Variants in EP300 observed in about 807,000 individuals in gnomAD.
The protein encoded by EP300 is EP300 lysine acetyltransferase, also known as histone acetyltransferase p300.
Under a neutral mutation model 264.0 loss-of-function variants are expected in EP300, and 31 were observed. The ratio of observed to expected loss-of-function variants is 0.12; its 90% CI spans 0.09 to 0.16. The LOEUF is 0.16. Ranked by LOEUF, EP300 falls within the 10% of genes least tolerant of loss-of-function variation. The pLI is 1.00. For missense variants in EP300, 2,766 were observed against 3,052.9 expected (o/e 0.91, Z 2.21); for synonymous variants, 1,340 against 1,045.4 (o/e 1.28, Z -5.44).
At chr22:41,166,571 T>C (rs2059135721) in intron 22 of EP300, 28 bp from the exon 23 acceptor site, 1 of 1,593,804 alleles carries the variant, frequency 6.3e-7, no homozygotes, top group Non-Finnish European at 8.6e-7. Flanking sequence ...ATCTAAGTTG[T>C]GTAAGCAAAG....
intron 12 of EP300, 154 bp from the exon 13 acceptor site, chr22:41,148,884 C>G: frequency 1.1e-6 from 1 of 925,954 alleles, no homozygotes; most frequent in Non-Finnish European, 1.6e-6. Flanking sequence ...CTACAACTTT[C>G]TTCCTTCTCC....
At chr22:41,122,596 C>G (rs1211115383) in intron 2 of EP300, among the ~76,000 whole-genome samples, 1 of 151,582 alleles carries the variant, frequency 6.6e-6, no homozygotes, top group East Asian at 1.9e-4. Context: ...TGAATTTCAT[C>G]TGGAAAATGA....
chr22:41,139,377 G>A (rs143128231), intron 8 of EP300, among the ~76,000 whole-genome samples: 1 of 152,172 alleles, frequency 6.6e-6, no homozygotes, highest in Admixed American at 6.5e-5. Context: ...GACTATTCAG[G>A]AACTTTTATT....
Position 41,164,044 on chromosome 22 carries a change from C to T in EP300, c.3729-9C>T. ...GGGGTTAATTTTGGAATTGGCTCTG[C>T]TCTTCCAGGTTTGTTGAATGTACAG... On this transcript the variant is annotated splice_polypyrimidine_tract_variant and intron_variant, in intron 21 of 30. Coordinates refer to ENST00000263253, the MANE Select transcript of EP300 (RefSeq NM_001429.4). The T allele has an allele frequency of 6.2e-7, 1 of 1,613,998 alleles. No individual in the cohort carries two copies. Among genetic ancestry groups the T allele is most frequent in the Non-Finnish European group, 8.5e-7 (1 of 1,179,848 alleles).
intron 1 of EP300, among the ~76,000 whole-genome samples, chr22:41,104,660 G>A (rs552490224): frequency 1.3e-5 from 2 of 152,282 alleles, no homozygotes; most frequent in South Asian, 4.1e-4. Flanking sequence ...AATTGTCAAT[G>A]TGAATTTTCT....
At chr22:41,157,431 G>A (rs1569110988) in intron 18 of EP300, 23 bp downstream of exon 18, 1 of 1,575,656 alleles carries the variant, frequency 6.3e-7, no homozygotes, top group Non-Finnish European at 8.6e-7. Context: ...TTTCAGATTT[G>A]ACTTTAACTT....
chr22:41,178,068 A>C lies in EP300; in HGVS notation c.6357A>C (p.Pro2119=). The change falls in exon 31 of 31, where the codon CCA becomes CCC. Residue 2119 remains proline, a synonymous_variant. Coordinates refer to ENST00000263253, the MANE Select transcript of EP300 (RefSeq NM_001429.4). ...CAGGGCTACAGCCACCTACCATGCCAGGTCAGCAGGGGGTCCACTCCAATC... is the reference window on the plus strand; with the variant it reads ...CAGGGCTACAGCCACCTACCATGCCCGGTCAGCAGGGGGTCCACTCCAATC... ...GQPGLQPPTM[P]GQQGVHSNPA... is the part of the protein sequence containing the mutation. The C allele has an allele frequency of 6.2e-7, 1 of 1,614,132 alleles. No homozygotes were observed. Among genetic ancestry groups the C allele is most frequent in the Non-Finnish European group, 8.5e-7 (1 of 1,180,014 alleles).
intron 28 of EP300, among the ~76,000 whole-genome samples, chr22:41,172,879 CTT>C (rs2059178806): frequency 6.6e-6 from 1 of 152,042 alleles, no homozygotes; most frequent in Admixed American, 6.6e-5. Context: ...GCATCTCAGA[CTT>C]TGAGTAATGT....
Position 41,160,423 on chromosome 22 carries a change from AAAAAAAAC to A in EP300, c.3591-211_3591-204del. 5 of 505,098 alleles carry A rather than the reference AAAAAAAAC, an allele frequency of 9.9e-6. No homozygotes were observed. In the South Asian group the frequency reaches 1.2e-4, roughly 12 times the overall value. 31.3% of individuals were successfully genotyped at this position (505,098 alleles called of 1,614,324 possible). A position where few individuals can be genotyped will look rare whatever the true frequency, so the allele number is the denominator to read the frequency against. ...GTCTGCACTTGGCTTTGATTGCAAA[AAAAAAAAC>A]AAAAAAAAACAAAAAAACAAACAAA... On this transcript the variant is annotated intron_variant, in intron 19 of 30. Coordinates refer to ENST00000263253, the MANE Select transcript of EP300 (RefSeq NM_001429.4).
At chr22:41,110,666 C>A (rs1452136125) in intron 1 of EP300, among the ~76,000 whole-genome samples, 1 of 152,038 alleles carries the variant, frequency 6.6e-6, no homozygotes. Flanking sequence ...GGCCTTCCAA[C>A]GTACTAGGAT....
rs984141483 is a variant in EP300, at chr22:41,179,614, G to A, written c.*658G>A. 34 of 219,152 alleles carry A rather than the reference G, an allele frequency of 1.6e-4. No individual in the cohort carries two copies. Among genetic ancestry groups the A allele is most frequent in the Non-Finnish European group, 1.6e-4 (18 of 110,270 alleles). The allele number at this position is 219,152 out of a possible 1,614,324, so 13.6% of individuals were successfully genotyped here. On this transcript the variant is annotated 3_prime_UTR_variant, in exon 31 of 31. Coordinates refer to ENST00000263253, the MANE Select transcript of EP300 (RefSeq NM_001429.4). ...AATTTTCTATTCTGTAAGTCTGAGC[G>A]TAAAACTTCAAGTATTAAAATAATT...
At chr22:41,152,923 A>G (rs1420292660) in intron 16 of EP300, among the ~76,000 whole-genome samples, 1 of 151,820 alleles carries the variant, frequency 6.6e-6, no homozygotes, top group African/African-American at 2.4e-5. Flanking sequence ...ATGCCCGTCT[A>G]ATTTTTGTAT....
At chr22:41,106,502 C>T (rs1287751152) in intron 1 of EP300, among the ~76,000 whole-genome samples, 2 of 152,190 alleles carry the variant, frequency 1.3e-5, no homozygotes, top group Non-Finnish European at 2.9e-5. Context: ...ACTGGCTGAG[C>T]TTTTACTCTC....
chr22:41,137,791 G>C lies in EP300; in HGVS notation c.1760+1G>C. The stretch of plus-strand genomic sequence containing the variant: ...TTCGAAATCATCTTGTTCACAAACT[G>C]TAAGTAAGATTGTGGACACGTCTCA... On this transcript the variant is annotated splice_donor_variant, in intron 8 of 30. Transcript: ENST00000263253. LOFTEE classifies it high-confidence loss of function. 6.2e-7 allele frequency: 1 copy of C among 1,614,152 alleles called. No individual in the cohort carries two copies. Among genetic ancestry groups the C allele is most frequent in the African/African-American group, 1.3e-5 (1 of 75,038 alleles).
intron 1 of EP300, among the ~76,000 whole-genome samples, chr22:41,102,691 C>A (rs757065297): frequency 1.3e-5 from 2 of 151,992 alleles, no homozygotes; most frequent in Admixed American, 6.6e-5. Context: ...TTTTAGGGTT[C>A]CAGCCACCCT....
intron 2 of EP300, among the ~76,000 whole-genome samples, chr22:41,123,733 CAGAAG>C (rs1369731223): frequency 7.9e-5 from 11 of 138,442 alleles, no homozygotes; most frequent in Admixed American, 3.3e-4. Context: ...TGTAATTTGG[CAGAAG>C]AGGACGGTGG....
At chr22:41,146,884 C>T (rs2145732716) in intron 11 of EP300, 68 bp downstream of exon 11, 2 of 1,324,726 alleles carry the variant, frequency 1.5e-6, no homozygotes, top group Non-Finnish European at 2.1e-6. Context: ...ATACTTGCTA[C>T]CTGAACACCC....
chr22:41,136,544 C>G (rs2058951989), intron 7 of EP300, among the ~76,000 whole-genome samples: 3 of 151,750 alleles, frequency 2.0e-5, no homozygotes, highest in Non-Finnish European at 2.9e-5. Flanking sequence ...ACCTGTAGTC[C>G]CAGCTACTGA....
chr22:41,103,551 A>G (rs2145679652), intron 1 of EP300, among the ~76,000 whole-genome samples: 1 of 152,308 alleles, frequency 6.6e-6, no homozygotes, highest in East Asian at 1.9e-4. Flanking sequence ...TCATGGAGAA[A>G]ATGTATATTT....
Sources: gnomAD v4.1 joint callset for allele counts (sites outside exome capture counted in the v4.1 genomes callset) on GRCh38, gnomAD v4.1.1 for gene constraint, MANE v1.5 for transcripts, NCBI Gene and HGNC (gene_info 2026-07-23, HGNC 2026-07-21) for gene names.